The following TENM2 variants were observed in gnomAD, a reference collection of about 807,000 sequenced individuals.
TENM2 encodes teneurin transmembrane protein 2, also known as teneurin-2.
A neutral mutation model predicts 245.2 loss-of-function variants in TENM2; 52 were observed. The observed-to-expected ratio is 0.21, with a 90% CI of 0.17 to 0.27. The LOEUF is 0.27. Among genes scored for constraint, TENM2 ranks in the 10% least tolerant of loss-of-function variants. The probability of loss-of-function intolerance (pLI) is 1.00; values close to 1 mark genes in which losing one functional copy is unlikely to be tolerated. For synonymous variants in TENM2, 1,363 were observed against 1,438.9 expected (o/e 0.95, Z 1.19); for missense variants, 3,046 against 3,666.8 (o/e 0.83, Z 4.37).
chr5:167,886,806 T>TTCTCTCAAATATATTTTATTTCTCTCAAA (rs1774327608), intron 3 of TENM2, among the ~76,000 whole-genome samples: 1 of 152,220 alleles, frequency 6.6e-6, no homozygotes, highest in Non-Finnish European at 1.5e-5. Context: ...AAATAGTAGC[T>TTCTCTCAAATATATTTTATTTCTCTCAAA]GTTTACTTCT....
chr5:167,325,995 G>A (rs975723207), intron 1 of TENM2, among the ~76,000 whole-genome samples: 1 of 152,198 alleles, frequency 6.6e-6, no homozygotes, highest in African/African-American at 2.4e-5. Context: ...GGACCTGTCT[G>A]AAAAGATCTC....
intron 14 of TENM2, among the ~76,000 whole-genome samples, chr5:168,194,521 A>G (rs1761217000): frequency 6.6e-6 from 1 of 152,210 alleles, no homozygotes; most frequent in Non-Finnish European, 1.5e-5. Context: ...GTAGTAACAC[A>G]GAATCCAGAA....
the TENM2 span, among the ~76,000 whole-genome samples, chr5:167,279,667 C>T: frequency 2.0e-5 from 3 of 151,952 alleles, no homozygotes; most frequent in Admixed American, 1.3e-4. Flanking sequence ...AGTCAATCTA[C>T]CATCTATCAA....
chr5:167,566,059 C>G (rs1773887464), intron 2 of TENM2, among the ~76,000 whole-genome samples: 2 of 152,094 alleles, frequency 1.3e-5, no homozygotes, highest in Non-Finnish European at 2.9e-5. Context: ...TATGGTACAT[C>G]TAAAGTTTTA....
intron 2 of TENM2, among the ~76,000 whole-genome samples, chr5:167,703,264 G>GT (rs1241571173): frequency 6.6e-6 from 1 of 152,132 alleles, no homozygotes; most frequent in Non-Finnish European, 1.5e-5. Flanking sequence ...AGACATAGTG[G>GT]CTCACACCTG....
At chr5:167,796,988 C>T (rs1765371247) in intron 2 of TENM2, among the ~76,000 whole-genome samples, 1 of 151,954 alleles carries the variant, frequency 6.6e-6, no homozygotes, top group Non-Finnish European at 1.5e-5. Context: ...TAGCTCTATG[C>T]TCTACAGGAG....
chr5:167,505,839 T>A (rs1002487786), intron 2 of TENM2, among the ~76,000 whole-genome samples: 1 of 152,036 alleles, frequency 6.6e-6, no homozygotes, highest in Admixed American at 6.6e-5. Flanking sequence ...ATTAAAGGGA[T>A]CATAATTGTC....
At chr5:167,192,722 A>T in the TENM2 span, among the ~76,000 whole-genome samples, 2 of 152,066 alleles carry the variant, frequency 1.3e-5, no homozygotes, top group Non-Finnish European at 2.9e-5. Context: ...GATTTTGCTC[A>T]TATTCGCTAT....
rs568746839 is a variant in TENM2, at chr5:168,014,676, T to C, written c.1186+21494T>C. Among the ~76,000 whole-genome samples the C allele has an allele frequency of 3.3e-5, 5 of 152,358 alleles. No individual in the cohort carries two copies. The South Asian group carries it at 6.2e-4, about 19-fold the overall frequency. ...CTGTGCAAAGTATTTTATTTCATCA[T>C]TCATTGAAGTTCACTTAAAAGATGA... On this transcript the variant is annotated intron_variant, in intron 5 of 28. Coordinates refer to ENST00000518659, the Ensembl canonical transcript of TENM2.
At chr5:167,580,270 C>A (rs1774996706) in intron 2 of TENM2, among the ~76,000 whole-genome samples, 1 of 152,200 alleles carries the variant, frequency 6.6e-6, no homozygotes, top group African/African-American at 2.4e-5. Flanking sequence ...AATTATCATT[C>A]AGAAGAGGGA....
At chr5:167,795,155 TG>T (rs1434671294) in intron 2 of TENM2, among the ~76,000 whole-genome samples, 3 of 152,162 alleles carry the variant, frequency 2.0e-5, no homozygotes, top group Admixed American at 1.3e-4. Context: ...GAGAGTGACC[TG>T]AATGCCAGAC....
At chr5:167,876,972 G>A (rs1227713619) in intron 3 of TENM2, among the ~76,000 whole-genome samples, 1 of 152,150 alleles carries the variant, frequency 6.6e-6, no homozygotes, top group East Asian at 1.9e-4. Flanking sequence ...CGATAATCAT[G>A]CCTTATTTTG....
At chr5:167,723,450 C>A (rs905528492) in intron 2 of TENM2, among the ~76,000 whole-genome samples, 1 of 152,170 alleles carries the variant, frequency 6.6e-6, no homozygotes, top group Admixed American at 6.5e-5. Context: ...GCATTCTCAG[C>A]AAAACCGCCA....
chr5:167,986,483 G>T (rs2151986207), intron 4 of TENM2, among the ~76,000 whole-genome samples: 1 of 152,326 alleles, frequency 6.6e-6, no homozygotes, highest in African/African-American at 2.4e-5. Flanking sequence ...GGAAGGGAAA[G>T]AAGTGTGTGA....
At chr5:167,117,864 G>A in the TENM2 span, among the ~76,000 whole-genome samples, 12 of 130,604 alleles carry the variant, frequency 9.2e-5, no homozygotes, top group East Asian at 2.3e-3. Flanking sequence ...CAAAACTGTC[G>A]AATGTCCCCA....
Position 168,215,035 on chromosome 5 carries a change from T to C in TENM2, c.3846-5T>C. 5 of 1,613,524 alleles carry C rather than the reference T, an allele frequency of 3.1e-6. No homozygotes were observed. Among genetic ancestry groups the C allele is most frequent in the Middle Eastern group, 1.6e-4 (1 of 6,062 alleles). ...TCATTTCTCTTTGTGCTTCTTCTAC[T>C]AAAGCAACAACCCAGCACACAAGTA... On this transcript the variant is annotated splice_polypyrimidine_tract_variant and splice_region_variant and intron_variant, in intron 20 of 28. Transcript: ENST00000518659.
At chr5:168,010,470 T>A (rs1006390982) in intron 5 of TENM2, among the ~76,000 whole-genome samples, 2 of 152,214 alleles carry the variant, frequency 1.3e-5, no homozygotes, top group Admixed American at 6.5e-5. Flanking sequence ...ATAATGTGTA[T>A]GAATATTTTC....
chr5:167,460,648 C>T (rs1020655812), intron 2 of TENM2, among the ~76,000 whole-genome samples: 2 of 151,620 alleles, frequency 1.3e-5, no homozygotes, highest in Non-Finnish European at 2.9e-5. Flanking sequence ...CAGACAACCA[C>T]AGTTCATTGG....
At chr5:167,370,307 A>G (rs1310953815) in intron 1 of TENM2, among the ~76,000 whole-genome samples, 3 of 135,568 alleles carry the variant, frequency 2.2e-5, no homozygotes. Flanking sequence ...ACGCCACTGC[A>G]CTCCAGCCTG....
Sources: gnomAD v4.1 joint callset for allele counts (sites outside exome capture counted in the v4.1 genomes callset) on GRCh38, gnomAD v4.1.1 for gene constraint, MANE v1.5 for transcripts, NCBI Gene and HGNC (gene_info 2026-07-23, HGNC 2026-07-21) for gene names.